COL4A4: variants seen among roughly 807,000 people sequenced by gnomAD.
COL4A4 encodes collagen type IV alpha 4 chain, also known as collagen alpha-4(IV) chain.
COL4A4 carries 105 observed loss-of-function variants against 192.9 expected under a neutral mutation model. The observed-to-expected ratio is 0.54, with a 90% CI of 0.46 to 0.64. The LOEUF (loss-of-function observed/expected upper bound fraction) is 0.64, where lower values mean the gene tolerates loss of function less well. Among genes scored for constraint, COL4A4 ranks in the 30% least tolerant of loss-of-function variants. The pLI, the probability that COL4A4 is intolerant of heterozygous loss-of-function variation, is 0.00. For missense variants in COL4A4, 1,967 were observed against 2,169.3 expected, an observed-to-expected ratio of 0.91 and a Z score of 1.85; for synonymous variants, 762 against 769.9, an observed-to-expected ratio of 0.99 and a Z score of 0.17.
At chr2:227,137,207 C>T (rs903582599) in intron 4 of COL4A4, among the ~76,000 whole-genome samples, 3 of 152,170 alleles carry the variant, frequency 2.0e-5, no homozygotes, top group African/African-American at 7.2e-5. Flanking sequence ...ACACCATCTA[C>T]ACATGCAATG....
At chr2:227,047,434 A>T in intron 35 of COL4A4, 41 bp downstream of exon 35, 1 of 1,419,530 alleles carries the variant, frequency 7.0e-7, no homozygotes, top group Non-Finnish European at 1.0e-6. Context: ...TTCAAACTAA[A>T]CTACTTTTTT....
intron 12 of COL4A4, among the ~76,000 whole-genome samples, chr2:227,106,475 A>C (rs1294449969): frequency 6.6e-6 from 1 of 152,262 alleles, no homozygotes; most frequent in Non-Finnish European, 1.5e-5. Flanking sequence ...AGGCATAAAT[A>C]GCAACCATTT....
At position 227,007,379 on chromosome 2, in the gene COL4A4, G is replaced by A. The variant is rs753042648; in HGVS notation, c.5019C>T (p.Ser1673=). 16 of 1,614,094 alleles carry A rather than the reference G, an allele frequency of 9.9e-6. No individual in the cohort carries two copies. In the East Asian group the frequency reaches 3.3e-4, roughly 34 times the overall value. ...GGCTGATTTTCTGGCGTTGGGCCTG[G>A]CTTTCTTTTAAGGTGTCTGGTGCTG... ...SAPAPDTLKE[S]QAQRQKISRC... Residue 1673 remains serine (S), a synonymous_variant, in exon 48 of 48, where the codon AGC becomes AGT. Transcript: ENST00000396625.
chr2:226,987,403 G>A, the COL4A4 span, among the ~76,000 whole-genome samples: 32 of 152,318 alleles, frequency 2.1e-4, no homozygotes, highest in South Asian at 6.2e-4. Context: ...GGAGGACATT[G>A]CCAAGGAGCA....
In COL4A4 at chr2:227,033,455, C is replaced by T. The variant is rs780504632; in HGVS notation, c.3532G>A (p.Gly1178Ser). Residue 1178 changes from glycine (G) to serine (S), a missense_variant, in exon 38 of 48, where the codon GGC becomes AGC. By Grantham distance (56) the Gly-to-Ser change is moderately conservative. Transcript: ENST00000396625. ...TTCTGACCTTTCAATCCATGCAAGC[C>T]GTTCAGGCCAGGTGATCCGGAGGGA... The part of the protein sequence containing the change: ...KGPSGSPGLN[G>S]LHGLKGQKGT... 91 of 1,613,518 alleles carry T rather than the reference C, an allele frequency of 5.6e-5. No homozygotes were observed. Among genetic ancestry groups the T allele is most frequent in the Admixed American group, 1.3e-4 (8 of 59,996 alleles).
intron 22 of COL4A4, among the ~76,000 whole-genome samples, chr2:227,087,293 C>T (rs184695061): frequency 7.2e-5 from 11 of 152,310 alleles, no homozygotes; most frequent in Admixed American, 7.2e-4. Context: ...ATCCCCAGCC[C>T]AAACCTCTCA....
intron 2 of COL4A4, among the ~76,000 whole-genome samples, chr2:227,145,512 C>G (rs1420127390): frequency 6.6e-6 from 1 of 152,200 alleles, no homozygotes; most frequent in African/African-American, 2.4e-5. Context: ...ATTTGTCAAA[C>G]AGCTTCTGGA....
At chr2:227,035,986 G>T (rs1969583056) in intron 37 of COL4A4, among the ~76,000 whole-genome samples, 1 of 152,180 alleles carries the variant, frequency 6.6e-6, no homozygotes, top group South Asian at 2.1e-4. Context: ...GGTTGTAAGG[G>T]TAATTTTTCC....
the COL4A4 span, among the ~76,000 whole-genome samples, chr2:226,976,676 G>A: frequency 6.6e-6 from 1 of 152,156 alleles, no homozygotes; most frequent in Non-Finnish European, 1.5e-5. Context: ...CATTTTGAGA[G>A]GAGGAGAGAA....
chr2:227,057,790 G>A lies in COL4A4; in HGVS notation c.2384-190C>T, dbSNP rs144305155. ...AGTTCCTTATGAACAGAGAAACAAC[G>A]CATTGCTAAGTGAGTTACTTGATAA... On this transcript the variant is annotated intron_variant, in intron 28 of 47. Coordinates refer to ENST00000396625, the MANE Select transcript of COL4A4 (RefSeq NM_000092.5). 7.2e-5 allele frequency among the ~76,000 whole-genome samples: 11 copies of A among 152,304 alleles called. No individual in the cohort carries two copies. The East Asian group carries it at 1.7e-3, about 24-fold the overall frequency.
chr2:227,080,272 T>C (rs1398184984), intron 24 of COL4A4, among the ~76,000 whole-genome samples, 171 bp downstream of exon 24: 1 of 152,226 alleles, frequency 6.6e-6, no homozygotes, highest in East Asian at 1.9e-4. Flanking sequence ...AATGATGCTA[T>C]ACCTCTTAAA....
At chr2:227,119,532 A>G (rs2061666061) in intron 6 of COL4A4, among the ~76,000 whole-genome samples, 1 of 148,644 alleles carries the variant, frequency 6.7e-6, no homozygotes, top group African/African-American at 2.4e-5. Flanking sequence ...TGTAAAATAT[A>G]AGATACATAT....
intron 7 of COL4A4, among the ~76,000 whole-genome samples, chr2:227,117,485 A>G (rs903881238): frequency 6.6e-6 from 1 of 152,200 alleles, no homozygotes; most frequent in African/African-American, 2.4e-5. Flanking sequence ...GAGTATGGAA[A>G]ATTCTTTTTG....
At chr2:227,044,509 T>C (rs1368383058) in intron 35 of COL4A4, among the ~76,000 whole-genome samples, 2 of 152,178 alleles carry the variant, frequency 1.3e-5, no homozygotes, top group African/African-American at 2.4e-5. Flanking sequence ...TGTTCCCTGA[T>C]TGAATTTAAC....
At chr2:227,144,649 C>G (rs1288967953) in intron 2 of COL4A4, 91 bp from the exon 3 acceptor site, 1 of 1,096,070 alleles carries the variant, frequency 9.1e-7, no homozygotes, top group Non-Finnish European at 1.4e-6. Context: ...TTCCAGAAAG[C>G]TACTTTTTAT....
At chr2:227,112,272 C>CCTT (rs2061256036) in intron 8 of COL4A4, among the ~76,000 whole-genome samples, 1 of 144,804 alleles carries the variant, frequency 6.9e-6, no homozygotes, top group African/African-American at 2.5e-5. Context: ...ACATTTCAAC[C>CCTT]TTTTTTTTTT....
At chr2:227,107,595 G>T (rs1304046927) in intron 12 of COL4A4, among the ~76,000 whole-genome samples, 1 of 152,072 alleles carries the variant, frequency 6.6e-6, no homozygotes, top group African/African-American at 2.4e-5. Flanking sequence ...TGAGAGCAGG[G>T]ATCAGGTCTG....
chr2:227,008,414 G>T, intron 46 of COL4A4, 110 bp from the exon 47 acceptor site: 1 of 1,259,106 alleles, frequency 7.9e-7, no homozygotes, highest in Non-Finnish European at 1.1e-6. Context: ...AAATCTGGAG[G>T]CCCTCGCCAA....
At chr2:227,138,501 C>T (rs1004516225) in intron 4 of COL4A4, among the ~76,000 whole-genome samples, 9 of 151,830 alleles carry the variant, frequency 5.9e-5, no homozygotes, top group African/African-American at 1.2e-4. Context: ...GGCATGGTGG[C>T]GGGCGCCTGT....
Sources: allele counts gnomAD v4.1 joint callset (sites outside exome capture counted in the v4.1 genomes callset), GRCh38; gene constraint gnomAD v4.1.1; transcripts MANE v1.5; gene names NCBI Gene and HGNC (gene_info 2026-07-23, HGNC 2026-07-21).